The following GATAD2A variants were observed in gnomAD, a reference collection of about 807,000 sequenced individuals.
The protein encoded by GATAD2A is transcriptional repressor p66-alpha.
In GATAD2A, 12 loss-of-function variants were observed where a neutral mutation model predicts 68.5. The observed-to-expected ratio is 0.18, with a 90% CI of 0.11 to 0.28. The LOEUF (loss-of-function observed/expected upper bound fraction) is 0.28, where lower values mean the gene tolerates loss of function less well. Among genes scored for constraint, GATAD2A ranks in the 10% least tolerant of loss-of-function variants. The pLI, the probability that GATAD2A is intolerant of heterozygous loss-of-function variation, is 1.00. For missense variants in GATAD2A, 755 were observed against 868.5 expected (o/e 0.87, Z 1.64); for synonymous variants, 410 against 375.3 (o/e 1.09, Z -1.07).
chr19:19,482,092 A>G (rs532950636), intron 2 of GATAD2A, among the ~76,000 whole-genome samples: 11 of 151,928 alleles, frequency 7.2e-5, no homozygotes, highest in Middle Eastern at 3.4e-3. Flanking sequence ...GGTTTACAGA[A>G]TGAGACCCTG....
intron 1 of GATAD2A, among the ~76,000 whole-genome samples, chr19:19,399,696 A>G (rs2049557270): frequency 6.6e-6 from 1 of 152,134 alleles, no homozygotes; most frequent in Non-Finnish European, 1.5e-5. Flanking sequence ...GAGAGAACAA[A>G]CTAGAAGGGC....
chr19:19,499,245 A>G (rs1445181926), intron 8 of GATAD2A, among the ~76,000 whole-genome samples: 1 of 152,210 alleles, frequency 6.6e-6, no homozygotes, highest in South Asian at 2.1e-4. Context: ...TGATCACAGC[A>G]TTGGAGACGG....
intron 1 of GATAD2A, among the ~76,000 whole-genome samples, chr19:19,433,355 A>C (rs1348866756): frequency 6.6e-6 from 1 of 152,120 alleles, no homozygotes; most frequent in Non-Finnish European, 1.5e-5. Flanking sequence ...GTTAAGTCTC[A>C]AAATCAGTTG....
intron 2 of GATAD2A, among the ~76,000 whole-genome samples, chr19:19,469,431 C>CAAAAAAAAAAAAAA (rs56310236): frequency 7.6e-6 from 1 of 132,208 alleles, no homozygotes; most frequent in African/African-American, 3.0e-5. Flanking sequence ...GACTCCATCT[C>CAAAAAAAAAAAAAA]AAAAAAAAAG....
chr19:19,415,410 C>T (rs2051485275), intron 1 of GATAD2A, among the ~76,000 whole-genome samples: 1 of 151,418 alleles, frequency 6.6e-6, no homozygotes. Flanking sequence ...CCGCTTTGGC[C>T]TCCCAAAGCC....
chr19:19,473,283 TC>T (rs1057236295), intron 2 of GATAD2A, among the ~76,000 whole-genome samples: 7 of 152,128 alleles, frequency 4.6e-5, no homozygotes, highest in African/African-American at 1.4e-4. Flanking sequence ...GGATGTGTGT[TC>T]CTTGGCCACT....
At position 19,505,973 on chromosome 19, in the gene GATAD2A, A is replaced by ATTTTT; in HGVS notation, c.*509_*513dup. The ATTTTT allele has an allele frequency of 2.7e-6, 1 of 373,720 alleles. No homozygotes were observed. Among genetic ancestry groups the ATTTTT allele is most frequent in the Non-Finnish European group, 4.7e-6 (1 of 212,278 alleles). 23.2% of individuals were successfully genotyped at this position (373,720 alleles called of 1,614,324 possible). A position where few individuals can be genotyped will look rare whatever the true frequency, so the allele number is the denominator to read the frequency against. The stretch of plus-strand genomic sequence containing the variant: ...CCCATGGCGATCTATAAGTTGAAAG[A>ATTTTT]TTTTTTTTTTTTTTAATCACCTCAT... On this transcript the variant is annotated 3_prime_UTR_variant, in exon 12 of 12. Coordinates refer to ENST00000683918, the MANE Select transcript of GATAD2A (RefSeq NM_001384528.1).
At position 19,473,491 on chromosome 19, in the gene GATAD2A, C is replaced by T. The variant is rs567747606; in HGVS notation, c.269+7877C>T. The stretch of plus-strand genomic sequence containing the variant: ...CCTTGATGACAATTAGAATCATTGC[C>T]GTTGTCTTTCTTTTTAGACTTTTGC... On this transcript the variant is annotated intron_variant, in intron 2 of 11. Transcript: ENST00000683918. 7.9e-5 allele frequency among the ~76,000 whole-genome samples: 12 copies of T among 152,234 alleles called. No individual in the cohort carries two copies. The South Asian group carries it at 1.2e-3, about 16-fold the overall frequency.
chr19:19,450,831 C>T (rs1316755211), intron 1 of GATAD2A, among the ~76,000 whole-genome samples: 2 of 151,216 alleles, frequency 1.3e-5, no homozygotes, highest in Non-Finnish European at 2.9e-5. Context: ...AGTACAGTGG[C>T]ATGATCTCGG....
chr19:19,487,977 G>T (rs530538717), intron 2 of GATAD2A, among the ~76,000 whole-genome samples: 1 of 152,324 alleles, frequency 6.6e-6, no homozygotes, highest in East Asian at 1.9e-4. Context: ...GCTGGGCCCT[G>T]CCTGTCTCCC....
chr19:19,419,538 A>C (rs1020600310), intron 1 of GATAD2A, among the ~76,000 whole-genome samples: 1 of 119,878 alleles, frequency 8.3e-6, no homozygotes, highest in Non-Finnish European at 1.7e-5. Context: ...TTTTTTTAAG[A>C]TGGAGTCTTG....
intron 2 of GATAD2A, among the ~76,000 whole-genome samples, chr19:19,484,754 C>CT (rs2059318782): frequency 6.6e-6 from 1 of 152,098 alleles, no homozygotes; most frequent in Non-Finnish European, 1.5e-5. Context: ...AGGATGGTCT[C>CT]TATCTCGTGA....
At chr19:19,406,825 A>C (rs1173769430) in intron 1 of GATAD2A, among the ~76,000 whole-genome samples, 2 of 152,202 alleles carry the variant, frequency 1.3e-5, no homozygotes, top group Admixed American at 6.5e-5. Flanking sequence ...TTGTGCGCAC[A>C]CTGGGACCCA....
chr19:19,469,671 G>A (rs1021451793), intron 2 of GATAD2A, among the ~76,000 whole-genome samples: 1 of 152,156 alleles, frequency 6.6e-6, no homozygotes, highest in Non-Finnish European at 1.5e-5. Flanking sequence ...TTCAGGCTGG[G>A]CGCAGTGGCT....
intron 1 of GATAD2A, among the ~76,000 whole-genome samples, chr19:19,461,086 C>T (rs1398495583): frequency 6.6e-6 from 1 of 152,184 alleles, no homozygotes; most frequent in African/African-American, 2.4e-5. Context: ...GTCCCCAGCC[C>T]ACAGTGGAGG....
At chr19:19,473,019 G>A (rs1275968815) in intron 2 of GATAD2A, among the ~76,000 whole-genome samples, 1 of 152,226 alleles carries the variant, frequency 6.6e-6, no homozygotes, top group East Asian at 1.9e-4. Context: ...GTGGCTCACC[G>A]TCTCCATTTC....
intron 2 of GATAD2A, among the ~76,000 whole-genome samples, chr19:19,485,105 G>A (rs1481517630): frequency 6.6e-6 from 1 of 152,182 alleles, no homozygotes; most frequent in Non-Finnish European, 1.5e-5. Flanking sequence ...GCTGCTGTTG[G>A]TCCCTCTGTC....
intron 2 of GATAD2A, among the ~76,000 whole-genome samples, chr19:19,490,065 T>A (rs979494169): frequency 6.6e-6 from 1 of 152,202 alleles, no homozygotes; most frequent in Admixed American, 6.5e-5. Context: ...TGGGTTACTT[T>A]AGAAACAAAC....
intron 1 of GATAD2A, among the ~76,000 whole-genome samples, chr19:19,414,740 G>T (rs1344866223): frequency 1.4e-5 from 2 of 145,448 alleles, no homozygotes; most frequent in Admixed American, 6.9e-5. Context: ...TTACCATGTT[G>T]GCCAAGCTGG....
Sources: gnomAD v4.1 joint callset for allele counts (sites outside exome capture counted in the v4.1 genomes callset) on GRCh38, gnomAD v4.1.1 for gene constraint, MANE v1.5 for transcripts, NCBI Gene and HGNC (gene_info 2026-07-23, HGNC 2026-07-21) for gene names.